The following COL6A5 variants were observed in gnomAD, a reference collection of about 807,000 sequenced individuals.
The protein encoded by COL6A5 is collagen alpha-5(VI) chain.
Under a neutral mutation model 65.6 loss-of-function variants are expected in COL6A5, and 48 were observed. The observed-to-expected ratio is 0.73, with a 90% CI of 0.58 to 0.93. The LOEUF (loss-of-function observed/expected upper bound fraction) is 0.93. Ranked by LOEUF, COL6A5 falls within the 40% of genes least tolerant of loss-of-function variation. The probability of loss-of-function intolerance (pLI) is 0.00; values close to 1 mark genes in which losing one functional copy is unlikely to be tolerated. For missense variants in COL6A5, 914 were observed against 928.3 expected, an observed-to-expected ratio of 0.98 and a Z score of 0.20; for synonymous variants, 291 against 322.8, an observed-to-expected ratio of 0.90 and a Z score of 1.05.
At chr3:130,385,234 C>T (rs886232033) in exon 5 of COL6A5, 1 of 1,550,794 alleles carries the variant, frequency 6.4e-7, no homozygotes, top group African/African-American at 1.4e-5. Context: ...ATGCAGTTGG[C>T]ATTGGGGCAG....
At chr3:130,394,987 C>CT in exon 8 of COL6A5, 1 of 1,551,412 alleles carries the variant, frequency 6.4e-7, no homozygotes, top group African/African-American at 1.4e-5. Context: ...TCTTGTCAGA[C>CT]TTAATCGATA....
rs1274205932 is a variant in COL6A5 at position 130,471,984 on chromosome 3, C to A, written c.2328+1017C>A. On this transcript the variant is annotated intron_variant, in intron 7 of 7. Coordinates refer to ENST00000512836, the Ensembl canonical transcript of COL6A5. The stretch of plus-strand genomic sequence containing the variant: ...CAAGTACCTTTGTTTGGATTTTCCC[C>A]TGGTGGAAGATGAGCAGTTAGAATT... 4.1e-6 allele frequency: 6 copies of A among 1,461,356 alleles called. No homozygotes were observed. The African/African-American group carries it at 8.4e-5, about 21-fold the overall frequency. The allele number at this position is 1,461,356 out of a possible 1,614,324, so 90.5% of individuals were successfully genotyped here. A position where few individuals can be genotyped will look rare whatever the true frequency, so the allele number is the denominator to read the frequency against.
chr3:130,449,966 A>T (rs1709394961), intron 4 of COL6A5, among the ~76,000 whole-genome samples: 1 of 152,082 alleles, frequency 6.6e-6, no homozygotes, highest in African/African-American at 2.4e-5. Context: ...CCCCGTGGGG[A>T]CAATCAAAGG....
At chr3:130,450,488 A>C (rs952379937) in intron 4 of COL6A5, among the ~76,000 whole-genome samples, 6 of 152,256 alleles carry the variant, frequency 3.9e-5, no homozygotes, top group Admixed American at 2.6e-4. Context: ...GGTGTCCTTC[A>C]TGGCCCGTGC....
exon 6 of COL6A5, chr3:130,388,905 A>C: frequency 1.3e-6 from 2 of 1,547,764 alleles, no homozygotes; most frequent in Non-Finnish European, 1.7e-6. Context: ...TGGGGGCCAA[A>C]AAATTTCTCA....
Position 130,391,352 on chromosome 3 carries a change from A to G in COL6A5, c.2590A>G (p.Ile864Val). 1.9e-6 allele frequency: 3 copies of G among 1,551,714 alleles called. No homozygotes were observed. Among genetic ancestry groups the G allele is most frequent in the Middle Eastern group, 1.7e-4 (1 of 5,992 alleles). Residue 864 changes from isoleucine to valine, a missense_variant and NMD_transcript_variant, in exon 7 of 42, where the codon ATC (isoleucine) becomes GTC (valine). Physicochemically the swap from Ile to Val is conservative, Grantham distance 29. Transcript: ENST00000312481. ...CCTCAAATACTCTGACCAACCTAAC[A>G]TCCTTTTCTACCTTAATACATACTC...
chr3:130,349,558 T>C (rs1331488577), intron 1 of COL6A5, among the ~76,000 whole-genome samples: 2 of 152,186 alleles, frequency 1.3e-5, no homozygotes, highest in Admixed American at 1.3e-4. Context: ...AAAATTTAAG[T>C]AAATCATAAT....
intron 5 of COL6A5, among the ~76,000 whole-genome samples, chr3:130,466,518 A>G (rs1709820842): frequency 6.6e-6 from 1 of 152,042 alleles, no homozygotes; most frequent in Admixed American, 6.6e-5. Context: ...TTGACAAAGA[A>G]GAAATGTTTC....
exon 9 of COL6A5, chr3:130,397,599 AGTGGTTGG>A: frequency 2.6e-6 from 4 of 1,550,020 alleles, no homozygotes; most frequent in Non-Finnish European, 3.5e-6. Flanking sequence ...TTATGGACAT[AGTGGTTGG>A]GTTTGACATC....
Position 130,471,939 on chromosome 3 carries a change from A to G in COL6A5, c.2328+972A>G. The stretch of plus-strand genomic sequence containing the variant: ...CAAGAAAAAGAAGGTAATCGTGAGT[A>G]CCATAGAGCTGAAGACCCTCAAGTA... On this transcript the variant is annotated intron_variant, in intron 7 of 7. Transcript: ENST00000512836. 1 of 1,532,334 alleles carries G rather than the reference A, an allele frequency of 6.5e-7. No individual in the cohort carries two copies. Among genetic ancestry groups the G allele is most frequent in the East Asian group, 2.4e-5 (1 of 40,834 alleles). The allele number at this position is 1,532,334 out of a possible 1,614,324, so 94.9% of individuals were successfully genotyped here. A position where few individuals can be genotyped will look rare whatever the true frequency, so the allele number is the denominator to read the frequency against.
intron 5 of COL6A5, 68 bp downstream of exon 5, chr3:130,385,432 G>A (rs1182292335): frequency 6.9e-7 from 1 of 1,439,314 alleles, no homozygotes; most frequent in Non-Finnish European, 9.3e-7. Context: ...TAATGGCCAG[G>A]CTGAGACAAG....
exon 30 of COL6A5, chr3:130,426,248 C>A (rs1937599875): frequency 1.9e-6 from 3 of 1,551,318 alleles, no homozygotes; most frequent in Non-Finnish European, 2.6e-6. Context: ...CCTGTATATT[C>A]TGTATGTATC....
At chr3:130,410,493 T>C (rs2107673923) in exon 20 of COL6A5, 1 of 1,550,940 alleles carries the variant, frequency 6.4e-7, no homozygotes. Context: ...CAGAAAGGGG[T>C]GCAAGGCAGT....
intron 7 of COL6A5, 44 bp from the exon 41 acceptor site, chr3:130,483,991 A>G (rs757361409): frequency 6.3e-7 from 1 of 1,577,838 alleles, no homozygotes; most frequent in African/African-American, 1.3e-5. Flanking sequence ...ATTTTGAACA[A>G]ATACAATGAC....
At chr3:130,405,482 A>G in intron 13 of COL6A5, 106 bp from the exon 14 acceptor site, 1 of 665,472 alleles carries the variant, frequency 1.5e-6, no homozygotes, top group Non-Finnish European at 2.6e-6. Context: ...ACTTTTTCTA[A>G]AGCTCATAGT....
chr3:130,396,992 A>G (rs1308828117), intron 8 of COL6A5, among the ~76,000 whole-genome samples: 1 of 152,072 alleles, frequency 6.6e-6, no homozygotes. Context: ...TCTCCCGAAT[A>G]GCTGGGACTA....
chr3:130,422,896 C>T (rs1937541364), intron 28 of COL6A5, 114 bp downstream of exon 28: 2 of 598,464 alleles, frequency 3.3e-6, no homozygotes, highest in South Asian at 2.6e-5. Flanking sequence ...TGAAATGCCA[C>T]TTGCTAGCTG....
chr3:130,374,451 C>G (rs1935687901), intron 2 of COL6A5, among the ~76,000 whole-genome samples: 1 of 152,018 alleles, frequency 6.6e-6, no homozygotes, highest in South Asian at 2.1e-4. Flanking sequence ...TTTTTCAGCT[C>G]TATTATAATC....
intron 1 of COL6A5, among the ~76,000 whole-genome samples, chr3:130,346,274 T>G (rs899297987): frequency 6.6e-6 from 1 of 152,154 alleles, no homozygotes; most frequent in African/African-American, 2.4e-5. Context: ...AAAACCCTGT[T>G]GAACCAGAAT....
Sources: gnomAD v4.1 joint callset for allele counts (sites outside exome capture counted in the v4.1 genomes callset) on GRCh38, gnomAD v4.1.1 for gene constraint, MANE v1.5 for transcripts, NCBI Gene and HGNC (gene_info 2026-07-23, HGNC 2026-07-21) for gene names.